Variants in TENM4 observed in about 807,000 individuals in gnomAD.
TENM4 encodes teneurin transmembrane protein 4.
TENM4 carries 82 observed loss-of-function variants against 243.3 expected under a neutral mutation model. The observed-to-expected ratio is 0.34, with a 90% CI of 0.28 to 0.40. The LOEUF is 0.40. TENM4 is among the 10% of genes least tolerant of loss of function. The pLI, the probability that TENM4 is intolerant of heterozygous loss-of-function variation, is 1.00. For missense variants in TENM4, 3,138 were observed against 3,673.3 expected (o/e 0.85, Z 3.77); for synonymous variants, 1,412 against 1,456.3 (o/e 0.97, Z 0.69).
At chr11:79,116,430 C>T (rs1861622442) in intron 4 of TENM4, among the ~76,000 whole-genome samples, 4 of 152,194 alleles carry the variant, frequency 2.6e-5, no homozygotes, top group African/African-American at 9.7e-5. Flanking sequence ...CAAATGCATG[C>T]TGTTGCCACA....
chr11:79,199,364 A>C (rs1442432486), intron 3 of TENM4, among the ~76,000 whole-genome samples: 1 of 152,210 alleles, frequency 6.6e-6, no homozygotes, highest in Non-Finnish European at 1.5e-5. Flanking sequence ...TGTGCTAGGC[A>C]TTCATTGTTT....
intron 30 of TENM4, 118 bp downstream of exon 30, chr11:78,676,034 T>C (rs1858459907): frequency 1.0e-6 from 1 of 992,870 alleles, no homozygotes; most frequent in Admixed American, 2.9e-5. Flanking sequence ...CTGATTTAGT[T>C]CTCCCCTTTT....
chr11:79,392,572 C>T (rs560905454), intron 1 of TENM4, among the ~76,000 whole-genome samples: 1 of 152,358 alleles, frequency 6.6e-6, no homozygotes, highest in South Asian at 2.1e-4. Context: ...CAATCAACCA[C>T]AGGTCCCGGC....
intron 1 of TENM4, among the ~76,000 whole-genome samples, chr11:79,415,654 C>T (rs1858797296): frequency 6.6e-6 from 1 of 152,172 alleles, no homozygotes; most frequent in Admixed American, 6.5e-5. Context: ...GAAGAGAACT[C>T]ATCATCTTGT....
intron 22 of TENM4, among the ~76,000 whole-genome samples, chr11:78,728,972 A>C (rs898710880): frequency 1.3e-5 from 2 of 149,928 alleles, no homozygotes; most frequent in African/African-American, 5.1e-5. Context: ...ATGGAGGAAG[A>C]ATCTTAGTTA....
At chr11:79,233,305 T>C (rs942244801) in intron 2 of TENM4, among the ~76,000 whole-genome samples, 2 of 152,136 alleles carry the variant, frequency 1.3e-5, no homozygotes, top group African/African-American at 4.8e-5. Flanking sequence ...ATTGGACAGA[T>C]GGAAGGTTGG....
chr11:79,035,288 C>T (rs1202123784), intron 6 of TENM4, among the ~76,000 whole-genome samples: 1 of 152,154 alleles, frequency 6.6e-6, no homozygotes, highest in East Asian at 1.9e-4. Flanking sequence ...TCAGCAGAGG[C>T]TCAAGAAATA....
At chr11:79,095,482 A>G (rs1861056396) in intron 4 of TENM4, among the ~76,000 whole-genome samples, 1 of 152,220 alleles carries the variant, frequency 6.6e-6, no homozygotes, top group Admixed American at 6.5e-5. Flanking sequence ...AGCCCTAATG[A>G]GTGATGAGAG....
chr11:79,107,328 TACAA>T (rs1165782172), intron 4 of TENM4, among the ~76,000 whole-genome samples: 3 of 151,968 alleles, frequency 2.0e-5, no homozygotes, highest in African/African-American at 2.4e-5. Context: ...TAGGAAAAAA[TACAA>T]ACAGACGATC....
At chr11:79,090,711 G>A (rs1860924995) in intron 4 of TENM4, among the ~76,000 whole-genome samples, 1 of 152,222 alleles carries the variant, frequency 6.6e-6, no homozygotes, top group South Asian at 2.1e-4. Flanking sequence ...GAGGTAACAT[G>A]TTTGGGGTTT....
At chr11:79,108,397 C>T (rs924077350) in intron 4 of TENM4, among the ~76,000 whole-genome samples, 1 of 152,138 alleles carries the variant, frequency 6.6e-6, no homozygotes, top group African/African-American at 2.4e-5. Flanking sequence ...GGCTGCTGGC[C>T]TAGCTGACAC....
At position 78,903,375 on chromosome 11, in the gene TENM4, G is replaced by A. The variant is rs1239647403; in HGVS notation, c.642C>T (p.Ala214=). The change falls in exon 7 of 34, where the codon GCC becomes GCT. Residue 214 remains alanine (A), a synonymous_variant. Coordinates refer to ENST00000278550, the MANE Select transcript of TENM4 (RefSeq NM_001098816.3). ...CTCCGGAGAGCGAGTGGTCCGTGGG[G>A]GCCGGGCTGGGGTTGCTCCTCGGCG... is the stretch of plus-strand genomic sequence containing the variant. The part of the protein sequence containing the change: ...NFTPRSNPSP[A]PTDHSLSGEP... 1 of 1,519,328 alleles carries A rather than the reference G, an allele frequency of 6.6e-7. No homozygotes were observed. The highest frequency in any genetic ancestry group is 8.8e-7 in the Non-Finnish European group (1 of 1,132,570). The allele number at this position is 1,519,328 out of a possible 1,614,324, so 94.1% of individuals were successfully genotyped here. A position where few individuals can be genotyped will look rare whatever the true frequency, so the allele number is the denominator to read the frequency against.
chr11:79,333,380 T>C (rs1161020578), intron 1 of TENM4, among the ~76,000 whole-genome samples: 1 of 152,218 alleles, frequency 6.6e-6, no homozygotes, highest in Admixed American at 6.5e-5. Flanking sequence ...CAAAAATACC[T>C]GGGGTCTTTC....
At chr11:79,149,423 C>T (rs1862452154) in intron 3 of TENM4, among the ~76,000 whole-genome samples, 3 of 152,164 alleles carry the variant, frequency 2.0e-5, no homozygotes, top group Admixed American at 6.5e-5. Flanking sequence ...GGCTATATTC[C>T]ACAACTTTTG....
intron 15 of TENM4, among the ~76,000 whole-genome samples, chr11:78,801,828 G>A (rs1200237345): frequency 3.3e-5 from 5 of 152,186 alleles, no homozygotes; most frequent in African/African-American, 1.2e-4. Flanking sequence ...GGCAGTGTCT[G>A]TGCCAGCTCT....
At chr11:78,831,936 G>A (rs1857994800) in intron 12 of TENM4, among the ~76,000 whole-genome samples, 1 of 152,276 alleles carries the variant, frequency 6.6e-6, no homozygotes. Context: ...CCCTTGCTTT[G>A]GGATTCAGAC....
chr11:78,980,305 G>A (rs1048687827), intron 6 of TENM4, among the ~76,000 whole-genome samples: 13 of 152,210 alleles, frequency 8.5e-5, no homozygotes, highest in African/African-American at 2.7e-4. Flanking sequence ...TTAAGAGGTA[G>A]GGACTTTCAT....
intron 15 of TENM4, among the ~76,000 whole-genome samples, chr11:78,799,779 G>A (rs923379466): frequency 7.9e-5 from 12 of 152,144 alleles, no homozygotes; most frequent in African/African-American, 2.9e-4. Context: ...TCATAAACCC[G>A]CAGCATGAGC....
At chr11:79,047,193 T>A (rs1859679163) in intron 6 of TENM4, among the ~76,000 whole-genome samples, 1 of 152,172 alleles carries the variant, frequency 6.6e-6, no homozygotes, top group Non-Finnish European at 1.5e-5. Flanking sequence ...ATAATACCTC[T>A]GACCAAGAGA....
Sources: gnomAD v4.1 joint callset for allele counts (sites outside exome capture counted in the v4.1 genomes callset) on GRCh38, gnomAD v4.1.1 for gene constraint, MANE v1.5 for transcripts, NCBI Gene and HGNC (gene_info 2026-07-23, HGNC 2026-07-21) for gene names.